MARCHF1: variants seen among roughly 807,000 people sequenced by gnomAD.
MARCHF1 encodes membrane associated ring-CH-type finger 1, also known as E3 ubiquitin-protein ligase MARCHF1.
In MARCHF1, 40 loss-of-function variants were observed where a neutral mutation model predicts 54.2. That is an observed-to-expected ratio of 0.74 (90% CI 0.57 to 0.96). The LOEUF is 0.96. Ranked by LOEUF, MARCHF1 falls within the 40% of genes least tolerant of loss-of-function variation. The probability of loss-of-function intolerance (pLI) is 0.00; values close to 1 mark genes in which losing one functional copy is unlikely to be tolerated. For missense variants in MARCHF1, 586 were observed against 656.5 expected (o/e 0.89, Z 1.17); for synonymous variants, 236 against 236.3 (o/e 1.00, Z 0.01).
At chr4:164,327,143 A>C (rs1010674450) in intron 1 of MARCHF1, among the ~76,000 whole-genome samples, 1 of 152,194 alleles carries the variant, frequency 6.6e-6, no homozygotes, top group Non-Finnish European at 1.5e-5. Context: ...TAAAAATAGT[A>C]ATCAGAAATA....
chr4:164,135,124 G>A (rs1756375036), intron 1 of MARCHF1, among the ~76,000 whole-genome samples: 1 of 152,158 alleles, frequency 6.6e-6, no homozygotes, highest in East Asian at 1.9e-4. Context: ...TTTATGTAGA[G>A]CTTCCTTAGC....
chr4:164,201,208 G>GGTTTTGTTTT (rs5863670), intron 1 of MARCHF1, among the ~76,000 whole-genome samples: 9 of 150,610 alleles, frequency 6.0e-5, no homozygotes, highest in Non-Finnish European at 8.9e-5. Flanking sequence ...TGTTTTACAT[G>GGTTTTGTTTT]GTTTTGTTTT....
intron 5 of MARCHF1, among the ~76,000 whole-genome samples, chr4:163,634,069 C>A (rs902309624): frequency 6.6e-5 from 10 of 152,258 alleles, no homozygotes; most frequent in South Asian, 6.2e-4. Context: ...CACCACCAGG[C>A]CTGCCCTAAA....
At position 164,139,652 on chromosome 4, in the gene MARCHF1, T is replaced by C. The variant is rs150540926; in HGVS notation, c.-322-27990A>G. On this transcript the variant is annotated intron_variant, in intron 1 of 9. Coordinates refer to ENST00000514618, the MANE Select transcript of MARCHF1 (RefSeq NM_001394959.1). ...CAGATATTAGAGGAGGAGCTGCTCATCCCTGCTGTAAGAGTTGCTTACTCA... is the reference window on the plus strand; with the variant it reads ...CAGATATTAGAGGAGGAGCTGCTCACCCCTGCTGTAAGAGTTGCTTACTCA... Among the ~76,000 whole-genome samples the C allele has an allele frequency of 5.2e-3, 789 of 152,236 alleles. 3 individuals carry two copies. The highest frequency in any genetic ancestry group is 7.4e-3 in the Non-Finnish European group (504 of 68,016).
chr4:164,046,355 A>T (rs921465213), intron 2 of MARCHF1, among the ~76,000 whole-genome samples: 2 of 152,230 alleles, frequency 1.3e-5, no homozygotes, highest in African/African-American at 4.8e-5. Flanking sequence ...TCACAATATG[A>T]GCAGAAACAC....
intron 1 of MARCHF1, among the ~76,000 whole-genome samples, chr4:164,300,824 C>A (rs1247948023): frequency 6.6e-6 from 1 of 152,122 alleles, no homozygotes; most frequent in Non-Finnish European, 1.5e-5. Flanking sequence ...TTGAAGGCAA[C>A]AAGTACGTCA....
intron 1 of MARCHF1, among the ~76,000 whole-genome samples, chr4:164,177,997 A>G (rs1402858420): frequency 1.3e-5 from 2 of 152,190 alleles, no homozygotes; most frequent in Non-Finnish European, 1.5e-5. Flanking sequence ...CCTAGACAGA[A>G]TGTCACTGAA....
intron 4 of MARCHF1, among the ~76,000 whole-genome samples, chr4:163,813,795 G>A (rs577290252): frequency 6.6e-6 from 1 of 152,268 alleles, no homozygotes; most frequent in African/African-American, 2.4e-5. Context: ...GGGAGAAGCT[G>A]AGTGTTGGGA....
intron 4 of MARCHF1, among the ~76,000 whole-genome samples, chr4:163,768,397 A>C (rs2110856932): frequency 6.6e-6 from 1 of 152,328 alleles, no homozygotes; most frequent in East Asian, 1.9e-4. Context: ...TAATACTTTA[A>C]GTTGCCTTAT....
intron 7 of MARCHF1, 77 bp from the exon 8 acceptor site, chr4:163,586,006 T>C: frequency 7.7e-7 from 1 of 1,297,656 alleles, no homozygotes; most frequent in Non-Finnish European, 1.0e-6. Context: ...CCCTTGCTTA[T>C]ACTAGGGCTA....
chr4:164,204,595 G>A (rs1211739310), intron 1 of MARCHF1, among the ~76,000 whole-genome samples: 1 of 152,136 alleles, frequency 6.6e-6, no homozygotes, highest in Non-Finnish European at 1.5e-5. Context: ...TAACCATTTT[G>A]TGTGAAAAAC....
At chr4:163,835,949 C>G (rs74441771) in intron 4 of MARCHF1, among the ~76,000 whole-genome samples, 3,074 of 152,212 alleles carry the variant, frequency 0.02, 46 homozygotes, top group Non-Finnish European at 0.032. Flanking sequence ...CTCAGCTTCT[C>G]CAGCTCTAGA....
chr4:164,179,979 C>A (rs1310321045), intron 1 of MARCHF1, among the ~76,000 whole-genome samples: 2 of 148,774 alleles, frequency 1.3e-5, no homozygotes, highest in African/African-American at 5.0e-5. Flanking sequence ...GATGGTAAAA[C>A]TTCTGATGTT....
chr4:164,280,031 T>C (rs748517437), intron 1 of MARCHF1, among the ~76,000 whole-genome samples: 3 of 151,848 alleles, frequency 2.0e-5, no homozygotes, highest in Admixed American at 2.0e-4. Flanking sequence ...AAGGGTAGAA[T>C]TATATATTTT....
chr4:163,540,464 G>T lies in MARCHF1; in HGVS notation c.1339+5132C>A, dbSNP rs550094806. 5.3e-5 allele frequency among the ~76,000 whole-genome samples: 8 copies of T among 152,172 alleles called. No individual in the cohort carries two copies. In the South Asian group the frequency reaches 1.7e-3, roughly 32 times the overall value. Reference sequence around the variant, plus strand: ...TTGTCCTGGTTGCTTCTCTCCAGTTGGGTAGATTATTAACAACAACAAAAT... The same window carrying T: ...TTGTCCTGGTTGCTTCTCTCCAGTTTGGTAGATTATTAACAACAACAAAAT... On this transcript the variant is annotated intron_variant, in intron 9 of 9. Coordinates refer to ENST00000514618, the MANE Select transcript of MARCHF1 (RefSeq NM_001394959.1).
intron 1 of MARCHF1, among the ~76,000 whole-genome samples, chr4:164,326,957 T>TG (rs1735296438): frequency 1.5e-5 from 2 of 133,664 alleles, no homozygotes; most frequent in South Asian, 2.5e-4. Flanking sequence ...GTTGTAAGGA[T>TG]TGTGTGTGTG....
At chr4:163,861,454 C>T (rs1330663334) in intron 3 of MARCHF1, among the ~76,000 whole-genome samples, 1 of 151,984 alleles carries the variant, frequency 6.6e-6, no homozygotes, top group African/African-American at 2.4e-5. Flanking sequence ...ACAATCAATG[C>T]ACAATTGAAA....
intron 5 of MARCHF1, among the ~76,000 whole-genome samples, chr4:163,648,447 CTG>C (rs1196513885): frequency 2.3e-5 from 3 of 132,796 alleles, no homozygotes; most frequent in Middle Eastern, 3.9e-3. Flanking sequence ...GACATACTGA[CTG>C]TTTCTTAAAC....
At chr4:163,677,531 T>C (rs1207654747) in intron 5 of MARCHF1, among the ~76,000 whole-genome samples, 1 of 152,220 alleles carries the variant, frequency 6.6e-6, no homozygotes, top group Non-Finnish European at 1.5e-5. Context: ...ACATTTCTCT[T>C]TAAAATATCT....
Sources: gnomAD v4.1 joint callset for allele counts (sites outside exome capture counted in the v4.1 genomes callset) on GRCh38, gnomAD v4.1.1 for gene constraint, MANE v1.5 for transcripts, NCBI Gene and HGNC (gene_info 2026-07-23, HGNC 2026-07-21) for gene names.